ASAP1: variants seen among roughly 807,000 people sequenced by gnomAD.
The protein encoded by ASAP1 is arf-GAP with SH3 domain, ANK repeat and PH domain-containing protein 1.
Under a neutral mutation model 145.2 loss-of-function variants are expected in ASAP1, and 43 were observed. The observed-to-expected ratio is 0.30, with a 90% confidence interval of 0.23 to 0.38. ASAP1 has a LOEUF of 0.38. Among genes scored for constraint, ASAP1 ranks in the 10% least tolerant of loss-of-function variants. The probability of loss-of-function intolerance (pLI) is 1.00; values close to 1 mark genes in which losing one functional copy is unlikely to be tolerated. For missense variants in ASAP1, 1,018 were observed against 1,355.3 expected, an observed-to-expected ratio of 0.75 and a Z score of 3.91; for synonymous variants, 546 against 515.5, an observed-to-expected ratio of 1.06 and a Z score of -0.80.
chr8:130,260,408 C>T (rs1819823302), intron 3 of ASAP1, among the ~76,000 whole-genome samples: 1 of 152,332 alleles, frequency 6.6e-6, no homozygotes. Flanking sequence ...GCCAAAAGCT[C>T]ATCCCATCTT....
chr8:130,405,350 G>A lies in ASAP1; in HGVS notation c.-27-3380C>T, dbSNP rs140449543. On this transcript the variant is annotated intron_variant, in intron 1 of 29. Transcript: ENST00000518721. ...TGTGGCAGAACTAAGATCCTGACCC[G>A]GGTGGTCTAAAAAACTCCAAGCCAG... 2.4e-3 allele frequency among the ~76,000 whole-genome samples: 363 copies of A among 152,234 alleles called. 2 individuals are homozygous for A. Among genetic ancestry groups the A allele is most frequent in the African/African-American group, 8.1e-3 (336 of 41,524 alleles).
rs141793109 is a variant in ASAP1, at chr8:130,119,485, C to T, written c.1608-810G>A. On this transcript the variant is annotated intron_variant, in intron 18 of 29. Transcript: ENST00000518721. ...TTCCGTTCAAGTGTTTCTGGTGGGA[C>T]TGAGCTCACCTCCCAGCCACAGGGG... Among the ~76,000 whole-genome samples, 395 of 152,310 alleles carry T rather than the reference C, an allele frequency of 2.6e-3. 1 individual carries two copies. Among genetic ancestry groups the T allele is most frequent in the African/African-American group, 9.1e-3 (377 of 41,558 alleles).
intron 18 of ASAP1, among the ~76,000 whole-genome samples, chr8:130,123,569 C>G (rs1009791706): frequency 6.6e-6 from 1 of 151,722 alleles, no homozygotes; most frequent in Admixed American, 6.6e-5. Flanking sequence ...TTTCCCCTGA[C>G]AATGGGGTTT....
At chr8:130,280,437 A>G (rs1367197241) in intron 3 of ASAP1, among the ~76,000 whole-genome samples, 1 of 152,268 alleles carries the variant, frequency 6.6e-6, no homozygotes, top group Non-Finnish European at 1.5e-5. Flanking sequence ...TAGTCCTCAC[A>G]AATCAGCACA....
chr8:130,180,977 C>T (rs72722367), intron 7 of ASAP1, 97 bp from the exon 8 acceptor site: 15,018 of 1,143,432 alleles, frequency 0.013, 134 homozygotes, highest in Non-Finnish European at 0.016. Context: ...TTTGGGGTGA[C>T]GATGTGTCTA....
intron 4 of ASAP1, among the ~76,000 whole-genome samples, chr8:130,217,258 C>G (rs1341473041): frequency 2.0e-5 from 3 of 151,990 alleles, no homozygotes; most frequent in Non-Finnish European, 4.4e-5. Context: ...ATAGTATTTA[C>G]ATAATGAATA....
chr8:130,358,819 C>A lies in ASAP1; in HGVS notation c.60-676G>T, dbSNP rs1292814615. On this transcript the variant is annotated intron_variant, in intron 2 of 29. Coordinates refer to ENST00000518721, the MANE Select transcript of ASAP1 (RefSeq NM_018482.4). The surrounding 1 kb of genome is among the most constrained non-coding windows in gnomAD (Gnocchi z 4.1). ...AAGCTGCCGCTCCCGACCCCGGCTG[C>A]GCGGCACGGGGGCTCCGGAAGCCCG... Among the ~76,000 whole-genome samples the A allele has an allele frequency of 2.6e-5, 4 of 151,078 alleles. No individual in the cohort carries two copies. Among genetic ancestry groups the A allele is most frequent in the African/African-American group, 4.9e-5 (2 of 41,162 alleles).
intron 5 of ASAP1, among the ~76,000 whole-genome samples, chr8:130,202,736 T>C (rs973004383): frequency 6.6e-6 from 1 of 152,208 alleles, no homozygotes; most frequent in African/African-American, 2.4e-5. Flanking sequence ...TGAATGAATC[T>C]GCCTCAGGTG....
At position 130,108,141 on chromosome 8, in the gene ASAP1, C is replaced by CG. The variant is rs547758838; in HGVS notation, c.2401+3952dup. Among the ~76,000 whole-genome samples the CG allele has an allele frequency of 3.5e-4, 53 of 152,328 alleles. No individual in the cohort carries two copies. In the South Asian group the frequency reaches 5.4e-3, roughly 16 times the overall value. On this transcript the variant is annotated intron_variant, in intron 24 of 29. Transcript: ENST00000518721. ...GACGCTCTCAGTATGCCACACAGCA[C>CG]GCTACTTTCGTGCAGGTTATCTGCT...
intron 27 of ASAP1, among the ~76,000 whole-genome samples, chr8:130,074,476 CACACACACACAG>C (rs1179141522): frequency 4.7e-5 from 7 of 149,220 alleles, no homozygotes; most frequent in Non-Finnish European, 8.9e-5. Flanking sequence ...CACACACACA[CACACACACACAG>C]AGAGAACGAG....
At chr8:130,208,937 GAGGT>G (rs879850130) in intron 5 of ASAP1, among the ~76,000 whole-genome samples, 3 of 151,970 alleles carry the variant, frequency 2.0e-5, no homozygotes, top group Admixed American at 2.0e-4. Flanking sequence ...TAAAAAAAAA[GAGGT>G]ACAGACAAAA....
intron 27 of ASAP1, among the ~76,000 whole-genome samples, chr8:130,072,830 C>CGCGCACG (rs1448184178): frequency 3.1e-5 from 1 of 31,922 alleles, no homozygotes; most frequent in Non-Finnish European, 5.3e-5. Flanking sequence ...TGTGTGCGCG[C>CGCGCACG]GGGGGGGGGC....
At position 130,300,113 on chromosome 8, in the gene ASAP1, T is replaced by TACACACACAC. The variant is rs373589102; in HGVS notation, c.186+57894_186+57903dup. ...GGCCAAACAAGAAGTAAAAGAAAAA[T>TACACACACAC]ACACACACACACACACACACACACA... On this transcript the variant is annotated intron_variant, in intron 3 of 29. Coordinates refer to ENST00000518721, the MANE Select transcript of ASAP1 (RefSeq NM_018482.4). Among the ~76,000 whole-genome samples the TACACACACAC allele has an allele frequency of 6.8e-3, 493 of 72,732 alleles. 1 individual carries two copies. The highest frequency in any genetic ancestry group is 9.8e-3 in the Middle Eastern group (1 of 102). 47.7% of individuals were successfully genotyped at this position (72,732 alleles called of 152,430 possible).
At chr8:130,073,689 C>A (rs1393935749) in intron 27 of ASAP1, among the ~76,000 whole-genome samples, 2 of 152,150 alleles carry the variant, frequency 1.3e-5, no homozygotes, top group African/African-American at 4.8e-5. Flanking sequence ...GAAGACAGGG[C>A]TGAAGCTTAA....
chr8:130,217,623 T>C (rs147062095), intron 4 of ASAP1, among the ~76,000 whole-genome samples: 1 of 152,092 alleles, frequency 6.6e-6, no homozygotes, highest in Non-Finnish European at 1.5e-5. Context: ...TCTGCATCCC[T>C]ACCCAATGGA....
intron 3 of ASAP1, among the ~76,000 whole-genome samples, chr8:130,319,587 C>A (rs1375442388): frequency 6.6e-6 from 1 of 152,154 alleles, no homozygotes; most frequent in Non-Finnish European, 1.5e-5. Context: ...ACACTGGCAT[C>A]CACTGGTGGA....
intron 13 of ASAP1, among the ~76,000 whole-genome samples, chr8:130,138,507 A>C (rs2097600763): frequency 6.6e-6 from 1 of 152,104 alleles, no homozygotes; most frequent in Non-Finnish European, 1.5e-5. Flanking sequence ...CTAGAAGGGG[A>C]GGCAGGAGCT....
Position 130,061,036 on chromosome 8 carries a change from T to G in ASAP1, c.2735A>C (p.Asp912Ala). Residue 912 changes from aspartate (D) to alanine (A), a missense_variant, in exon 28 of 30, where the codon GAC becomes GCC. Around this residue, in one of 9 missense-constraint regions of ASAP1, gnomAD observed 38 missense variants for 77.2 expected, o/e 0.49. Transcript: ENST00000518721. ...ALRKTDHLSL[D>A]KATIPPEIFQ... is the part of the protein sequence containing the mutation. ...GATTTCGGGCGGGATGGTGGCTTTG[T>G]CTAGGGAGAGATGATCTGTTTTCCT... The G allele has an allele frequency of 6.5e-7, 1 of 1,535,686 alleles. No individual in the cohort carries two copies. Among genetic ancestry groups the G allele is most frequent in the Non-Finnish European group, 8.7e-7 (1 of 1,144,974 alleles).
intron 5 of ASAP1, among the ~76,000 whole-genome samples, chr8:130,205,899 T>C (rs1182069688): frequency 6.6e-6 from 1 of 152,156 alleles, no homozygotes; most frequent in African/African-American, 2.4e-5. Context: ...CTGAATGAGA[T>C]ATATACCTAT....
Sources: allele counts gnomAD v4.1 joint callset (sites outside exome capture counted in the v4.1 genomes callset), GRCh38; gene constraint gnomAD v4.1.1; regional missense constraint gnomAD v4.1.1; non-coding constraint Gnocchi (gnomAD v3.1); transcripts MANE v1.5; gene names NCBI Gene and HGNC (gene_info 2026-07-23, HGNC 2026-07-21).